The following ZNF711 variants were observed in gnomAD, a reference collection of about 807,000 sequenced individuals.
The protein encoded by ZNF711 is zinc finger protein 711.
Under a neutral mutation model 43.5 loss-of-function variants are expected in ZNF711, and 3 were observed. The ratio of observed to expected loss-of-function variants is 0.07; its 90% CI spans 0.03 to 0.18. The LOEUF is 0.18. Ranked by LOEUF, ZNF711 falls within the 10% of genes least tolerant of loss-of-function variation. ZNF711 has a pLI of 1.00. For synonymous variants in ZNF711, 209 were observed against 207.7 expected (o/e 1.01, Z -0.06); for missense variants, 412 against 604.0 (o/e 0.68, Z 3.33).
At chrX:85,263,617 C>G (rs1224254017) in intron 5 of ZNF711, among the ~76,000 whole-genome samples, 1 of 109,219 alleles carries the variant, frequency 9.2e-6, no homozygotes, top group African/African-American at 3.3e-5. Flanking sequence ...GAAACAACCA[C>G]TATTTAATTT....
At chrX:85,257,890 T>C (rs1019599821) in intron 5 of ZNF711, among the ~76,000 whole-genome samples, 2 of 113,113 alleles carry the variant, frequency 1.8e-5, no homozygotes, top group Non-Finnish European at 3.8e-5. Context: ...ATAGTAGATG[T>C]TGGCATGGAT....
chrX:85,265,992 C>T (rs999613932), intron 7 of ZNF711, among the ~76,000 whole-genome samples: 42 of 111,531 alleles, frequency 3.8e-4, no homozygotes, highest in African/African-American at 1.4e-3. Flanking sequence ...CCTGCCATAC[C>T]GCAGGTTTCC....
chrX:85,270,212 A>G lies in ZNF711; in HGVS notation c.1246+66A>G. On this transcript the variant is annotated intron_variant, in intron 10 of 10. Transcript: ENST00000674551. ...GTGGAAGTATTTTTTGTCACCAAAG[A>G]AAAATATCGATGGTTTACTTGGCAG... is the stretch of plus-strand genomic sequence containing the variant. The G allele has an allele frequency of 5.5e-6, 6 of 1,098,451 alleles. No individual in the cohort carries two copies. The South Asian group carries it at 1.2e-4, about 21-fold the overall frequency. 90.5% of individuals were successfully genotyped at this position (1,098,451 alleles called of 1,213,427 possible).
intron 4 of ZNF711, among the ~76,000 whole-genome samples, chrX:85,251,026 T>C (rs948530532): frequency 9.0e-6 from 1 of 111,608 alleles, no homozygotes; most frequent in African/African-American, 3.2e-5. Flanking sequence ...TTTACCTCCC[T>C]GTTAAAATTT....
intron 5 of ZNF711, among the ~76,000 whole-genome samples, chrX:85,259,663 A>C (rs73513611): frequency 0.081 from 8,918 of 109,941 alleles, 810 homozygotes; most frequent in African/African-American, 0.26. Flanking sequence ...TTGTACATGT[A>C]ATTGCATTCT....
In ZNF711 at chrX:85,268,341, G is replaced by A; in HGVS notation, c.1102G>A (p.Gly368Arg). The A allele has an allele frequency of 8.4e-7, 1 of 1,195,167 alleles. No homozygotes were observed. Among genetic ancestry groups the A allele is most frequent in the Non-Finnish European group, 1.1e-6 (1 of 887,796 alleles). Residue 368 changes from glycine to arginine, a missense_variant and splice_region_variant, in exon 9 of 11, where the codon GGA becomes AGA. Gly to Arg is a moderately radical substitution (Grantham distance 125). Around this residue, in one of 4 missense-constraint regions of ZNF711, gnomAD observed 375 missense variants for 514.2 expected, o/e 0.73. Transcript: ENST00000674551. ...SRRYEDCQAS[G>R]NTLDSALESR... is the part of the protein sequence containing the mutation. The stretch of plus-strand genomic sequence containing the variant: ...AAGGTATGAAGATTGTCAAGCATCA[G>A]GTAAGAGAGCATTGTATATGAGATG...
chrX:85,264,390 G>A lies in ZNF711; in HGVS notation c.738G>A (p.Val246=). ...EDGFGSEVIK[V]YIFKAEAEDD... ...GGTTTGGTTCTGAAGTTATAAAAGT[G>A]TATATATTTAAAGCGGAGGCTGAAG... is the stretch of plus-strand genomic sequence containing the variant. The change falls in exon 6 of 11, where the codon GTG becomes GTA. Residue 246 remains valine, a synonymous_variant. Coordinates refer to ENST00000674551, the MANE Select transcript of ZNF711 (RefSeq NM_001330574.2). 8.3e-7 allele frequency: 1 copy of A among 1,205,628 alleles called. No homozygotes were observed. Among genetic ancestry groups the A allele is most frequent in the Non-Finnish European group, 1.1e-6 (1 of 892,542 alleles).
At chrX:85,248,913 C>T (rs899966726) in intron 4 of ZNF711, among the ~76,000 whole-genome samples, 6 of 111,882 alleles carry the variant, frequency 5.4e-5, no homozygotes, top group Non-Finnish European at 1.1e-4. Context: ...GTATTCTAGT[C>T]ATGGCAGTGC....
chrX:85,272,877 G>A lies in ZNF711; in HGVS notation c.*1049G>A, dbSNP rs1264082707. 8.9e-6 allele frequency: 1 copy of A among 111,937 alleles called. No individual in the cohort carries two copies. The highest frequency in any genetic ancestry group is 1.9e-5 in the Non-Finnish European group (1 of 53,057). 9.2% of individuals were successfully genotyped at this position (111,937 alleles called of 1,213,427 possible). On this transcript the variant is annotated 3_prime_UTR_variant, in exon 11 of 11. Coordinates refer to ENST00000674551, the MANE Select transcript of ZNF711 (RefSeq NM_001330574.2). ...CTGCTGCCAATAGAGTTTGGAGGTGGATATTTAGTTTACAGTGTATAAACT... is the reference window on the plus strand; with the variant it reads ...CTGCTGCCAATAGAGTTTGGAGGTGAATATTTAGTTTACAGTGTATAAACT...
intron 2 of ZNF711, among the ~76,000 whole-genome samples, 183 bp downstream of exon 2, chrX:85,246,205 T>C (rs1429513707): frequency 1.0e-5 from 1 of 98,276 alleles, no homozygotes; most frequent in Non-Finnish European, 1.9e-5. Flanking sequence ...TTCAGATTTA[T>C]TTTGTTAACA....
chrX:85,248,600 T>C (rs186022177), intron 4 of ZNF711, among the ~76,000 whole-genome samples: 1 of 110,816 alleles, frequency 9.0e-6, no homozygotes, highest in Non-Finnish European at 1.9e-5. Flanking sequence ...AAACTGAATT[T>C]GGCCAGGGAT....
chrX:85,258,361 T>C (rs1042654009), intron 5 of ZNF711, among the ~76,000 whole-genome samples: 7 of 110,538 alleles, frequency 6.3e-5, no homozygotes, highest in African/African-American at 1.6e-4. Flanking sequence ...CATTAGACTT[T>C]GGGGACTCGG....
chrX:85,271,321 T>C lies in ZNF711; in HGVS notation c.1917T>C (p.Pro639=), dbSNP rs781178771. ...LFQGHKTHQC[P]HCDHKSTNSS... The stretch of plus-strand genomic sequence containing the variant: ...AAGGACATAAGACACACCAGTGTCC[T>C]CATTGTGACCATAAGAGCACCAATT... Residue 639 remains proline, a synonymous_variant, in exon 11 of 11, where the codon CCT becomes CCC. Transcript: ENST00000674551. 8.3e-7 allele frequency: 1 copy of C among 1,210,625 alleles called. No individual in the cohort carries two copies. The highest frequency in any genetic ancestry group is 1.8e-5 in the South Asian group (1 of 56,859).
At chrX:85,252,434 A>G (rs1351374554) in intron 4 of ZNF711, among the ~76,000 whole-genome samples, 1 of 111,555 alleles carries the variant, frequency 9.0e-6, no homozygotes, top group Non-Finnish European at 1.9e-5. Context: ...TCTACTTTCA[A>G]GAACCAGACT....
At chrX:85,254,613 CAAAAAAAAAAAAAAAAAAAA>C (rs764074077) in intron 4 of ZNF711, among the ~76,000 whole-genome samples, 4 of 4,295 alleles carry the variant, frequency 9.3e-4, no homozygotes, top group African/African-American at 1.2e-3. Context: ...GACTCCGTCT[CAAAAAAAAAAAAAAAAAAAA>C]AAAAAAAAAA....
At position 85,255,752 on chromosome X, in the gene ZNF711, T is replaced by C; in HGVS notation, c.573T>C (p.Asp191=). Residue 191 remains aspartate (D), a synonymous_variant, in exon 5 of 11, where the codon GAT becomes GAC. Transcript: ENST00000674551. ...GSTVTIKTED[D]DDDDVKSTSE... ...CAGTTACTATAAAAACCGAAGATGA[T>C]GATGATGATGATGTCAAGAGCACTT... 1 of 1,210,528 alleles carries C rather than the reference T, an allele frequency of 8.3e-7. No individual in the cohort carries two copies. Among genetic ancestry groups the C allele is most frequent in the Non-Finnish European group, 1.1e-6 (1 of 895,146 alleles).
intron 4 of ZNF711, among the ~76,000 whole-genome samples, chrX:85,252,621 T>C (rs1929645410): frequency 8.9e-6 from 1 of 111,898 alleles, no homozygotes; most frequent in South Asian, 3.7e-4. Flanking sequence ...ATTTCTAGTC[T>C]GATTAAATGC....
chrX:85,271,711 G>C lies in ZNF711; in HGVS notation c.2307G>C (p.Val769=). ...ATGCATCTGGCTTTAAACGACATGT[G>C]ATATCAATACATACAAAAGACTATC... ...TTDASGFKRH[V]ISIHTKDYPH... is the part of the protein sequence containing the mutation. The change falls in exon 11 of 11, where the codon GTG becomes GTC. Residue 769 remains valine (V), a synonymous_variant. Transcript: ENST00000674551. 1 of 1,210,334 alleles carries C rather than the reference G, an allele frequency of 8.3e-7. No individual in the cohort carries two copies.
In ZNF711 at chrX:85,272,027, C is replaced by A; in HGVS notation, c.*199C>A. 2.3e-6 allele frequency: 1 copy of A among 433,827 alleles called. No individual in the cohort carries two copies. The highest frequency in any genetic ancestry group is 4.0e-6 in the Non-Finnish European group (1 of 250,919). The allele number at this position is 433,827 out of a possible 1,213,427, so 35.8% of individuals were successfully genotyped here. ...AAAATTACTTAAAGAATTTAAGAAG[C>A]ACTATAGAATGGTTACAGAAAAACT... On this transcript the variant is annotated 3_prime_UTR_variant, in exon 11 of 11. Coordinates refer to ENST00000674551, the MANE Select transcript of ZNF711 (RefSeq NM_001330574.2).
Sources: allele counts gnomAD v4.1 joint callset (sites outside exome capture counted in the v4.1 genomes callset), GRCh38; gene constraint gnomAD v4.1.1; regional missense constraint gnomAD v4.1.1; transcripts MANE v1.5; gene names NCBI Gene and HGNC (gene_info 2026-07-23, HGNC 2026-07-21).